Variants in SLC12A2 observed in about 807,000 individuals in gnomAD.
The protein encoded by SLC12A2 is Na-K-2Cl cotransporter 1.
A neutral mutation model predicts 136.3 loss-of-function variants in SLC12A2; 67 were observed. That is an observed-to-expected ratio of 0.49 (90% confidence interval 0.40 to 0.60). The LOEUF (loss-of-function observed/expected upper bound fraction) is 0.60, where lower values mean the gene tolerates loss of function less well. SLC12A2 is among the 20% of genes least tolerant of loss of function. The pLI is 0.00. For synonymous variants in SLC12A2, 619 were observed against 562.9 expected (o/e 1.10, Z -1.41); for missense variants, 1,322 against 1,534.7 (o/e 0.86, Z 2.32).
intron 12 of SLC12A2, 33 bp from the exon 13 acceptor site, chr5:128,149,964 C>T (rs370908915): frequency 4.4e-5 from 60 of 1,374,760 alleles, no homozygotes; most frequent in Admixed American, 6.7e-5. Flanking sequence ...ATGTCTAATA[C>T]GTCAGTAAAT....
At chr5:128,157,940 C>T (rs747567927) in intron 15 of SLC12A2, 113 bp from the exon 16 acceptor site, 24 of 743,066 alleles carry the variant, frequency 3.2e-5, no homozygotes, top group Non-Finnish European at 5.2e-5. Context: ...AATCCTGTGG[C>T]CTGTGTCTTA....
intron 4 of SLC12A2, among the ~76,000 whole-genome samples, chr5:128,127,116 ATTTTTTT>A (rs35726459): frequency 4.4e-5 from 3 of 68,734 alleles, no homozygotes; most frequent in African/African-American, 1.3e-4. Flanking sequence ...TTGGTCTGGA[ATTTTTTT>A]TTTTTTTTTT....
chr5:128,185,327 T>A (rs776790678), intron 26 of SLC12A2, among the ~76,000 whole-genome samples: 2 of 152,142 alleles, frequency 1.3e-5, no homozygotes, highest in Non-Finnish European at 2.9e-5. Context: ...TACAGACACA[T>A]TGTCCTTGAG....
In SLC12A2 at chr5:128,093,394, C is replaced by T. The variant is rs962001225; in HGVS notation, c.756+8684C>T. ...TGTAGTCCAATGACTCCCGAAATTT[C>T]GTCTTCTACCCACACTCCTCTGAGT... On this transcript the variant is annotated intron_variant, in intron 1 of 26. Transcript: ENST00000262461. Among the ~76,000 whole-genome samples the T allele has an allele frequency of 3.9e-5, 6 of 152,240 alleles. No individual in the cohort carries two copies. The East Asian group carries it at 9.6e-4, about 24-fold the overall frequency.
chr5:128,134,111 A>C lies in SLC12A2; in HGVS notation c.1189-54A>C. The C allele has an allele frequency of 3.4e-6, 3 of 891,402 alleles. No individual in the cohort carries two copies. In the South Asian group the frequency reaches 4.4e-5, roughly 13 times the overall value. 55.2% of individuals were successfully genotyped at this position (891,402 alleles called of 1,614,324 possible). Reference sequence around the variant, plus strand: ...CTAAAATGTTTCAAAAGGAGTGTGAATGTGTATAAAAATAACTAGTATTGC... The same window carrying C: ...CTAAAATGTTTCAAAAGGAGTGTGACTGTGTATAAAAATAACTAGTATTGC... On this transcript the variant is annotated intron_variant, in intron 5 of 26. Coordinates refer to ENST00000262461, the MANE Select transcript of SLC12A2 (RefSeq NM_001046.3).
chr5:128,144,439 T>C lies in SLC12A2; in HGVS notation c.1773+2458T>C, dbSNP rs561174414. 5.3e-5 allele frequency among the ~76,000 whole-genome samples: 8 copies of C among 152,302 alleles called. 1 individual carries two copies. In the South Asian group the frequency reaches 1.2e-3, roughly 24 times the overall value. ...CATAAGATCTATACAAGCCATACTT[T>C]ATAATCATCTTTTCAGACTTCAGGG... On this transcript the variant is annotated intron_variant, in intron 10 of 26. Transcript: ENST00000262461.
Position 128,114,214 on chromosome 5 carries a change from A to G in SLC12A2, c.879A>G (p.Val293=). The G allele has an allele frequency of 1.2e-6, 2 of 1,611,702 alleles. No homozygotes were observed. The highest frequency in any genetic ancestry group is 1.7e-6 in the Non-Finnish European group (2 of 1,178,262). Reference sequence around the variant, plus strand: ...TTGGCCTCTTTTTCCCTCTTTAGGTACGTTGTATGTTAAACATTTGGGGTG... The same window carrying G: ...TTGGCCTCTTTTTCCCTCTTTAGGTGCGTTGTATGTTAAACATTTGGGGTG... ...VKFGWIKGVL[V]RCMLNIWGVM... The change falls in exon 3 of 27, where the codon GTA becomes GTG. Residue 293 remains valine, a splice_region_variant and synonymous_variant. Transcript: ENST00000262461.
chr5:128,152,270 C>G (rs927166590), intron 14 of SLC12A2, among the ~76,000 whole-genome samples: 2 of 152,150 alleles, frequency 1.3e-5, no homozygotes, highest in African/African-American at 4.8e-5. Flanking sequence ...TGTCTAAAAT[C>G]ATTTGAAGTC....
At chr5:128,110,978 A>T (rs1371929948) in intron 1 of SLC12A2, 1 of 794,698 alleles carries the variant, frequency 1.3e-6, no homozygotes, top group African/African-American at 1.7e-5. Context: ...CATAGGAAAA[A>T]GACCAAAGAT....
Position 128,187,328 on chromosome 5 carries a change from TTTA to T in SLC12A2, c.*706_*708del, listed in dbSNP as rs1441615396. ...CCTCTGATTGGCTATTATTACTATA[TTTA>T]TTATTATTTATTGAAACCTTAGGGA... On this transcript the variant is annotated 3_prime_UTR_variant, in exon 27 of 27. Coordinates refer to ENST00000262461, the MANE Select transcript of SLC12A2 (RefSeq NM_001046.3). 9 of 152,042 alleles carry T rather than the reference TTTA, an allele frequency of 5.9e-5. No homozygotes were observed. The highest frequency in any genetic ancestry group is 1.5e-5 in the Non-Finnish European group (1 of 67,992). The allele number at this position is 152,042 out of a possible 1,614,324, so 9.4% of individuals were successfully genotyped here.
intron 1 of SLC12A2, among the ~76,000 whole-genome samples, chr5:128,111,592 C>A (rs1051060270): frequency 6.6e-6 from 1 of 151,790 alleles, no homozygotes; most frequent in South Asian, 2.1e-4. Flanking sequence ...GGTGAAACCC[C>A]ATCTCTACTA....
chr5:128,131,275 G>A (rs1272873758), intron 5 of SLC12A2, 69 bp downstream of exon 5: 3 of 1,500,544 alleles, frequency 2.0e-6, no homozygotes, highest in East Asian at 4.5e-5. Context: ...CGATCACCAT[G>A]TTAGAGGTTG....
chr5:128,112,533 T>G lies in SLC12A2; in HGVS notation c.757-281T>G, dbSNP rs146549668. Among the ~76,000 whole-genome samples, 1,389 of 152,282 alleles carry G rather than the reference T, an allele frequency of 9.1e-3. 19 individuals are homozygous for G. The highest frequency in any genetic ancestry group is 0.031 in the African/African-American group (1,297 of 41,558). The stretch of plus-strand genomic sequence containing the variant: ...TAATTAGCAAACAGGAGTCATTGTT[T>G]CCTCCAGACACTACCAAAAGTGTAG... On this transcript the variant is annotated intron_variant, in intron 1 of 26. Transcript: ENST00000262461.
chr5:128,134,367 A>C, intron 6 of SLC12A2, 92 bp downstream of exon 6: 4 of 713,146 alleles, frequency 5.6e-6, no homozygotes, highest in South Asian at 5.2e-5. Context: ...TAATATTTCC[A>C]GATTCTAATG....
At chr5:128,125,998 C>A (rs1368270) in intron 4 of SLC12A2, among the ~76,000 whole-genome samples, 22,241 of 152,048 alleles carry the variant, frequency 0.15, 1,905 homozygotes, top group East Asian at 0.25. Context: ...GGACTGAATT[C>A]TGTTGCATTG....
At position 128,178,606 on chromosome 5, in the gene SLC12A2, A is replaced by G. The variant is rs999338192; in HGVS notation, c.3017A>G (p.Gln1006Arg). ...GPIVPLNVAD[Q>R]KLLEASTQFQ... is the part of the protein sequence containing the mutation. ...ATTGTGCCTTTAAATGTAGCTGACCAAAAGCTTCTTGAAGCTAGTACACAG... is the reference window on the plus strand; with the variant it reads ...ATTGTGCCTTTAAATGTAGCTGACCGAAAGCTTCTTGAAGCTAGTACACAG... Residue 1006 changes from glutamine to arginine, a missense_variant, in exon 22 of 27, where the codon CAA (glutamine) becomes CGA (arginine). Physicochemically the swap from Gln to Arg is conservative, Grantham distance 43. Around this residue, in one of 8 missense-constraint regions of SLC12A2, gnomAD observed 226 missense variants for 210.4 expected, o/e 1.07. Transcript: ENST00000262461. 2.5e-6 allele frequency: 4 copies of G among 1,600,532 alleles called. No individual in the cohort carries two copies. In the African/African-American group the frequency reaches 4.0e-5, roughly 16 times the overall value.
rs1354003221 is a variant in SLC12A2, at chr5:128,188,052, G to A, written c.*1421G>A. 1 of 152,016 alleles carries A rather than the reference G, an allele frequency of 6.6e-6. No individual in the cohort carries two copies. Among genetic ancestry groups the A allele is most frequent in the Non-Finnish European group, 1.5e-5 (1 of 67,976 alleles). 9.4% of individuals were successfully genotyped at this position (152,016 alleles called of 1,614,324 possible). ...ATGAAATTTATGTTGCTGGTATTTT[G>A]CATTTTAAAGTGATCAAGATTCATT... On this transcript the variant is annotated 3_prime_UTR_variant, in exon 27 of 27. Coordinates refer to ENST00000262461, the MANE Select transcript of SLC12A2 (RefSeq NM_001046.3).
At chr5:128,109,440 C>G in intron 1 of SLC12A2, 1 of 412,514 alleles carries the variant, frequency 2.4e-6, no homozygotes, top group South Asian at 2.1e-5. Context: ...CCACGTCTTA[C>G]ACTTCTTCAT....
intron 9 of SLC12A2, among the ~76,000 whole-genome samples, chr5:128,140,655 C>T (rs1035447743): frequency 6.0e-5 from 9 of 149,936 alleles, no homozygotes; most frequent in Non-Finnish European, 5.9e-5. Context: ...CCAGTAAAGG[C>T]AGCCTCTACA....
Sources: allele counts gnomAD v4.1 joint callset (sites outside exome capture counted in the v4.1 genomes callset), GRCh38; gene constraint gnomAD v4.1.1; regional missense constraint gnomAD v4.1.1; transcripts MANE v1.5; gene names NCBI Gene and HGNC (gene_info 2026-07-23, HGNC 2026-07-21).